Variants in CTNNA3 observed in about 807,000 individuals in gnomAD.
CTNNA3 encodes catenin alpha 3, also known as catenin alpha-3.
Under a neutral mutation model 95.7 loss-of-function variants are expected in CTNNA3, and 76 were observed. That is an observed-to-expected ratio of 0.79 (90% CI 0.66 to 0.96). The LOEUF (loss-of-function observed/expected upper bound fraction) is 0.96. Among genes scored for constraint, CTNNA3 ranks in the 40% least tolerant of loss-of-function variants. CTNNA3 has a pLI of 0.00. For missense variants in CTNNA3, 1,191 were observed against 1,089.8 expected (o/e 1.09, Z -1.31); for synonymous variants, 431 against 374.4 (o/e 1.15, Z -1.74).
chr10:67,541,044 T>C (rs1183596352), intron 3 of CTNNA3, among the ~76,000 whole-genome samples: 1 of 151,938 alleles, frequency 6.6e-6, no homozygotes, highest in Non-Finnish European at 1.5e-5. Flanking sequence ...CTGTAACTTA[T>C]TTTACCAGGC....
intron 3 of CTNNA3, among the ~76,000 whole-genome samples, chr10:67,562,969 A>C (rs1298436269): frequency 6.6e-6 from 1 of 152,066 alleles, no homozygotes; most frequent in East Asian, 1.9e-4. Flanking sequence ...ACTACAAACT[A>C]CTGCTCAATG....
intron 5 of CTNNA3, among the ~76,000 whole-genome samples, chr10:67,234,363 G>A (rs904822592): frequency 2.6e-5 from 4 of 152,096 alleles, no homozygotes; most frequent in African/African-American, 4.8e-5. Context: ...TTCAATATAC[G>A]CAAATCAATA....
chr10:67,742,035 T>TA (rs1841342929), intron 1 of CTNNA3, among the ~76,000 whole-genome samples: 1 of 151,056 alleles, frequency 6.6e-6, no homozygotes, highest in Admixed American at 6.6e-5. Context: ...CAAAGAGACT[T>TA]AGATTGCCAC....
intron 2 of CTNNA3, among the ~76,000 whole-genome samples, chr10:67,619,943 A>C (rs1478261442): frequency 6.6e-6 from 1 of 152,050 alleles, no homozygotes; most frequent in Non-Finnish European, 1.5e-5. Context: ...GCTTTCTTAA[A>C]TCAGTCTTGA....
chr10:66,677,379 A>G (rs1365215519), intron 9 of CTNNA3, among the ~76,000 whole-genome samples: 1 of 143,444 alleles, frequency 7.0e-6, no homozygotes, highest in East Asian at 2.0e-4. Flanking sequence ...AATAAAAAAT[A>G]ATTTTATACA....
At chr10:66,225,329 A>C (rs2394198) in intron 13 of CTNNA3, among the ~76,000 whole-genome samples, 48,641 of 148,508 alleles carry the variant, frequency 0.33, 8,759 homozygotes, top group East Asian at 0.43. Flanking sequence ...TTTGCATAAC[A>C]TAATCCCCTC....
chr10:67,636,972 G>A (rs1156856812), intron 2 of CTNNA3, among the ~76,000 whole-genome samples: 1 of 152,188 alleles, frequency 6.6e-6, no homozygotes, highest in Admixed American at 6.5e-5. Context: ...CTACTCCAAA[G>A]GAATGCAGCT....
chr10:67,502,099 G>A (rs1051439357), intron 5 of CTNNA3, among the ~76,000 whole-genome samples: 1 of 152,156 alleles, frequency 6.6e-6, no homozygotes, highest in East Asian at 1.9e-4. Flanking sequence ...CATCTTCATG[G>A]ATTTATATAC....
At chr10:67,057,875 T>C (rs539989092) in intron 7 of CTNNA3, among the ~76,000 whole-genome samples, 12 of 152,158 alleles carry the variant, frequency 7.9e-5, no homozygotes, top group Non-Finnish European at 1.6e-4. Flanking sequence ...GTTCATACTC[T>C]ACCCCACAAA....
chr10:67,682,346 A>G (rs996561209), intron 1 of CTNNA3, among the ~76,000 whole-genome samples: 2 of 151,868 alleles, frequency 1.3e-5, no homozygotes, highest in African/African-American at 2.4e-5. Context: ...AAAAGACTCA[A>G]TAGAAAAAAT....
At chr10:66,431,601 G>A (rs929015079) in intron 11 of CTNNA3, among the ~76,000 whole-genome samples, 5 of 151,960 alleles carry the variant, frequency 3.3e-5, no homozygotes, top group Admixed American at 1.3e-4. Flanking sequence ...TTGTAGGGAC[G>A]TGGATGAAGC....
intron 4 of CTNNA3, among the ~76,000 whole-genome samples, chr10:67,522,378 T>C (rs1435072311): frequency 2.0e-5 from 3 of 152,152 alleles, no homozygotes; most frequent in South Asian, 4.1e-4. Flanking sequence ...TATGAAAATG[T>C]AGTTGCTTAC....
intron 12 of CTNNA3, among the ~76,000 whole-genome samples, chr10:66,351,668 A>T (rs2092567970): frequency 6.6e-6 from 1 of 152,064 alleles, no homozygotes; most frequent in African/African-American, 2.4e-5. Context: ...GAATAAAAAT[A>T]AAAATTTGCA....
chr10:66,080,851 C>T (rs1341619122), intron 14 of CTNNA3, among the ~76,000 whole-genome samples: 1 of 152,088 alleles, frequency 6.6e-6, no homozygotes, highest in Non-Finnish European at 1.5e-5. Flanking sequence ...CTTCTACCCT[C>T]CTACAGAGAG....
intron 2 of CTNNA3, among the ~76,000 whole-genome samples, chr10:67,620,780 T>C (rs963193130): frequency 5.3e-5 from 8 of 152,092 alleles, no homozygotes; most frequent in African/African-American, 1.9e-4. Flanking sequence ...CAAATCAAGA[T>C]TGCGAATGCA....
rs34541755 is a variant in CTNNA3, at chr10:66,217,352, C to CAAA, written c.1884+63115_1884+63117dup. On this transcript the variant is annotated intron_variant, in intron 13 of 17. Transcript: ENST00000433211. Reference sequence around the variant, plus strand: ...TGGGCGACAGAGCGAGACTCTATCTCAAAAAAAAAAAAAAAAGAAAGGAGT... The same window carrying CAAA: ...TGGGCGACAGAGCGAGACTCTATCTCAAAAAAAAAAAAAAAAAAAGAAAGGAGT... 5.1e-4 allele frequency among the ~76,000 whole-genome samples: 65 copies of CAAA among 128,204 alleles called. 1 individual carries two copies. Among genetic ancestry groups the CAAA allele is most frequent in the African/African-American group, 9.5e-4 (32 of 33,706 alleles). The allele number at this position is 128,204 out of a possible 152,430, so 84.1% of individuals were successfully genotyped here.
At chr10:66,232,391 T>G (rs953904864) in intron 13 of CTNNA3, among the ~76,000 whole-genome samples, 1 of 152,018 alleles carries the variant, frequency 6.6e-6, no homozygotes, top group South Asian at 2.1e-4. Context: ...GTGCAAATTT[T>G]AAAAATAATT....
intron 13 of CTNNA3, among the ~76,000 whole-genome samples, chr10:66,119,092 T>A (rs1015112686): frequency 6.6e-6 from 1 of 152,112 alleles, no homozygotes; most frequent in East Asian, 1.9e-4. Context: ...TTTATTAAAT[T>A]TTAAAACAGA....
chr10:66,709,252 C>T (rs942712549), intron 9 of CTNNA3, among the ~76,000 whole-genome samples: 13 of 152,020 alleles, frequency 8.6e-5, no homozygotes, highest in African/African-American at 1.9e-4. Context: ...AAACAGTCCA[C>T]GGAATTTCCT....
Sources: gnomAD v4.1 joint callset for allele counts (sites outside exome capture counted in the v4.1 genomes callset) on GRCh38, gnomAD v4.1.1 for gene constraint, MANE v1.5 for transcripts, NCBI Gene and HGNC (gene_info 2026-07-23, HGNC 2026-07-21) for gene names.